TBXAS1: variants seen among roughly 807,000 people sequenced by gnomAD.
TBXAS1 encodes the protein thromboxane A synthase 1, also known as thromboxane-A synthase.
A neutral mutation model predicts 60.7 loss-of-function variants in TBXAS1; 48 were observed. The observed-to-expected ratio is 0.79, with a 90% CI of 0.63 to 1.01. TBXAS1 has a LOEUF of 1.01. TBXAS1 is among the 50% of genes least tolerant of loss of function. TBXAS1 has a pLI of 0.00. For synonymous variants in TBXAS1, 287 were observed against 269.7 expected (o/e 1.06, Z -0.63); for missense variants, 685 against 686.3 (o/e 1.00, Z 0.02).
chr7:139,952,446 C>A, intron 5 of TBXAS1: 1 of 1,333,348 alleles, frequency 7.5e-7, no homozygotes, highest in Non-Finnish European at 9.9e-7. Flanking sequence ...CATTTTATGT[C>A]TTTCATGAGA....
chr7:139,902,650 A>G (rs1277934058), intron 3 of TBXAS1, among the ~76,000 whole-genome samples: 1 of 152,166 alleles, frequency 6.6e-6, no homozygotes, highest in Non-Finnish European at 1.5e-5. Context: ...TTGCTGGGTC[A>G]TAGCATAAGT....
chr7:139,781,995 G>A (rs925777229), intron 2 of TBXAS1, among the ~76,000 whole-genome samples: 2 of 151,778 alleles, frequency 1.3e-5, no homozygotes, highest in African/African-American at 2.4e-5. Flanking sequence ...GATAGTAGAA[G>A]GATGGGGAGG....
chr7:139,986,722 CATATATATATATATATACATACATAT>C (rs1342959546), intron 9 of TBXAS1, among the ~76,000 whole-genome samples: 1 of 66,100 alleles, frequency 1.5e-5, no homozygotes, highest in Non-Finnish European at 2.7e-5. Flanking sequence ...AGTATTCCAT[CATATATATATATATATACATACATAT>C]ATATATATGT....
At chr7:139,849,386 A>C (rs968530196) in intron 1 of TBXAS1, among the ~76,000 whole-genome samples, 2 of 138,624 alleles carry the variant, frequency 1.4e-5, no homozygotes, top group South Asian at 4.3e-4. Flanking sequence ...AAAAACACAA[A>C]AAACAAAAAA....
At chr7:139,829,978 T>G (rs1454981384) in intron 1 of TBXAS1, among the ~76,000 whole-genome samples, 1 of 152,122 alleles carries the variant, frequency 6.6e-6, no homozygotes, top group Non-Finnish European at 1.5e-5. Context: ...AAGTGGTAGA[T>G]CTAATTTCTC....
intron 3 of TBXAS1, among the ~76,000 whole-genome samples, chr7:139,886,202 G>A (rs889614306): frequency 2.0e-5 from 3 of 151,920 alleles, no homozygotes; most frequent in South Asian, 4.1e-4. Flanking sequence ...TCTCAAGACC[G>A]TGCTCCTAAC....
chr7:139,879,188 G>GCCA (rs757746250), intron 3 of TBXAS1, among the ~76,000 whole-genome samples: 308 of 152,182 alleles, frequency 2.0e-3, no homozygotes, highest in South Asian at 6.4e-3. Context: ...CACCAACACT[G>GCCA]CCACCACCAC....
chr7:140,010,571 G>A (rs769330530), intron 10 of TBXAS1, among the ~76,000 whole-genome samples: 4 of 152,200 alleles, frequency 2.6e-5, no homozygotes, highest in Non-Finnish European at 5.9e-5. Context: ...GGGTGCCAGG[G>A]AACAGCTTCA....
chr7:139,892,024 G>T (rs1271168856), intron 3 of TBXAS1, among the ~76,000 whole-genome samples: 4 of 152,084 alleles, frequency 2.6e-5, no homozygotes, highest in Non-Finnish European at 4.4e-5. Flanking sequence ...GGCCACCTTG[G>T]GATCCAAAAG....
intron 9 of TBXAS1, among the ~76,000 whole-genome samples, chr7:139,991,321 G>A (rs1812883568): frequency 8.5e-6 from 1 of 117,578 alleles, no homozygotes; most frequent in Non-Finnish European, 1.8e-5. Flanking sequence ...CCCCCACGAT[G>A]CCCCCATATG....
intron 4 of TBXAS1, among the ~76,000 whole-genome samples, 153 bp from the exon 5 acceptor site, chr7:139,936,037 CT>C (rs1172370660): frequency 1.3e-5 from 2 of 152,194 alleles, no homozygotes; most frequent in African/African-American, 4.8e-5. Context: ...GCCTGTAAGC[CT>C]TTATAGTCTT....
intron 4 of TBXAS1, among the ~76,000 whole-genome samples, chr7:139,932,549 AC>A (rs1307604298): frequency 6.6e-6 from 1 of 152,048 alleles, no homozygotes; most frequent in African/African-American, 2.4e-5. Flanking sequence ...AAAAAAAAAA[AC>A]AAAACCTAAA....
chr7:139,974,551 G>T (rs1811434954), intron 9 of TBXAS1, among the ~76,000 whole-genome samples: 1 of 152,154 alleles, frequency 6.6e-6, no homozygotes, highest in African/African-American at 2.4e-5. Flanking sequence ...CTGGCAATGT[G>T]ACGTGGATCA....
chr7:139,816,693 G>A (rs1798157464), intron 4 of TBXAS1, among the ~76,000 whole-genome samples: 1 of 152,234 alleles, frequency 6.6e-6, no homozygotes, highest in African/African-American at 2.4e-5. Flanking sequence ...ATCAAACTGT[G>A]TTGTATTTAA....
At chr7:139,798,318 T>C (rs1447470408) in intron 4 of TBXAS1, among the ~76,000 whole-genome samples, 1 of 151,796 alleles carries the variant, frequency 6.6e-6, no homozygotes, top group Non-Finnish European at 1.5e-5. Flanking sequence ...GAGAAAGAGA[T>C]TGTCAGCAAG....
intron 4 of TBXAS1, among the ~76,000 whole-genome samples, chr7:139,798,481 G>T (rs2116345214): frequency 6.6e-6 from 1 of 152,298 alleles, no homozygotes; most frequent in East Asian, 1.9e-4. Context: ...GGAAGCGAGA[G>T]CAGGAAACAA....
At chr7:139,890,206 TC>T (rs1173504936) in intron 3 of TBXAS1, among the ~76,000 whole-genome samples, 4 of 113,252 alleles carry the variant, frequency 3.5e-5, no homozygotes, top group Admixed American at 1.2e-4. Flanking sequence ...TAGGATGCAG[TC>T]TTTTTTTTTT....
chr7:140,015,610 C>T, intron 10 of TBXAS1, 113 bp from the exon 11 acceptor site: 7 of 1,265,590 alleles, frequency 5.5e-6, no homozygotes, highest in Non-Finnish European at 8.0e-6. Flanking sequence ...TTCCACACAC[C>T]ATGCTGCCTG....
chr7:139,812,388 C>G (rs1798040142), intron 4 of TBXAS1, among the ~76,000 whole-genome samples: 1 of 152,162 alleles, frequency 6.6e-6, no homozygotes, highest in African/African-American at 2.4e-5. Context: ...TTACCCTGAA[C>G]CAAACGTTTT....
Sources: gnomAD v4.1 joint callset for allele counts (sites outside exome capture counted in the v4.1 genomes callset) on GRCh38, gnomAD v4.1.1 for gene constraint, MANE v1.5 for transcripts, NCBI Gene and HGNC (gene_info 2026-07-23, HGNC 2026-07-21) for gene names.